Variants in KHDRBS1 observed in about 807,000 individuals in gnomAD.
KHDRBS1 encodes the protein KH RNA binding domain containing, signal transduction associated 1, also known as KH domain-containing, RNA-binding, signal transduction-associated protein 1.
Under a neutral mutation model 48.4 loss-of-function variants are expected in KHDRBS1, and 7 were observed. That is an observed-to-expected ratio of 0.14 (90% CI 0.08 to 0.27). The LOEUF (loss-of-function observed/expected upper bound fraction) is 0.27, where lower values mean the gene tolerates loss of function less well. KHDRBS1 is among the 10% of genes least tolerant of loss of function. KHDRBS1 has a pLI of 1.00. For synonymous variants in KHDRBS1, 241 were observed against 235.8 expected (o/e 1.02, Z -0.20); for missense variants, 458 against 601.2 (o/e 0.76, Z 2.49).
intron 1 of KHDRBS1, among the ~76,000 whole-genome samples, chr1:32,029,230 G>A (rs1485374410): frequency 6.6e-6 from 1 of 152,200 alleles, no homozygotes; most frequent in Admixed American, 6.5e-5. Flanking sequence ...TTTAGGTGAT[G>A]ATGGATATGT....
chr1:32,060,729 T>G (rs1337236919), exon 11 of KHDRBS1: 4 of 152,216 alleles, frequency 2.6e-5, no homozygotes, highest in African/African-American at 9.7e-5. Context: ...CTTCATTGTT[T>G]ATTACTTACC....
At chr1:32,056,191 G>A (rs1470451607) in intron 10 of KHDRBS1, among the ~76,000 whole-genome samples, 1 of 151,852 alleles carries the variant, frequency 6.6e-6, no homozygotes, top group African/African-American at 2.4e-5. Flanking sequence ...GGCAGGGAAT[G>A]GGCCGATAGG....
At chr1:32,052,175 A>G (rs919492803) in intron 10 of KHDRBS1, 12 of 152,196 alleles carry the variant, frequency 7.9e-5, no homozygotes, top group African/African-American at 2.9e-4. Flanking sequence ...GTAATTTACC[A>G]TGGTTGCATA....
At chr1:32,026,560 A>G (rs1638974301) in intron 1 of KHDRBS1, among the ~76,000 whole-genome samples, 1 of 152,240 alleles carries the variant, frequency 6.6e-6, no homozygotes, top group Admixed American at 6.5e-5. Context: ...GTCTTATACT[A>G]TCACACTGGT....
At chr1:32,036,836 C>G (rs762261727) in intron 4 of KHDRBS1, 74 bp from the exon 5 acceptor site, 1 of 1,467,358 alleles carries the variant, frequency 6.8e-7, no homozygotes, top group Non-Finnish European at 9.2e-7. Context: ...GAATTCAAGT[C>G]TCCCGTGGAC....
At chr1:32,018,681 C>T (rs1444724269) in intron 1 of KHDRBS1, among the ~76,000 whole-genome samples, 6 of 152,034 alleles carry the variant, frequency 3.9e-5, no homozygotes, top group Admixed American at 2.6e-4. Flanking sequence ...GGCGTGAACC[C>T]GGGAGGCGGA....
chr1:32,033,961 T>TA (rs1486392217), intron 4 of KHDRBS1, among the ~76,000 whole-genome samples: 2 of 152,348 alleles, frequency 1.3e-5, no homozygotes, highest in East Asian at 1.9e-4. Flanking sequence ...TCTTGCTTGT[T>TA]ACCACCTTTG....
intron 8 of KHDRBS1, among the ~76,000 whole-genome samples, chr1:32,042,061 G>T (rs1373696150): frequency 1.3e-5 from 2 of 152,188 alleles, no homozygotes; most frequent in East Asian, 3.9e-4. Context: ...GCTGTTGCAT[G>T]GAAGTGGGGC....
At chr1:32,017,690 C>A (rs1230757323) in intron 1 of KHDRBS1, among the ~76,000 whole-genome samples, 1 of 149,366 alleles carries the variant, frequency 6.7e-6, no homozygotes, top group East Asian at 2.0e-4. Context: ...TCACCGCAAC[C>A]TCCACCTCCC....
At position 32,038,507 on chromosome 1, in the gene KHDRBS1, A is replaced by G. The variant is rs775486096; in HGVS notation, c.1108-45A>G. On this transcript the variant is annotated intron_variant, in intron 6 of 8. Transcript: ENST00000327300. ...GATGTAATTACCTTTCCTACTCTCT[A>G]TGATTTTGATCTTTTATTTCATTTT... The G allele has an allele frequency of 7.6e-6, 12 of 1,588,474 alleles. No homozygotes were observed. In the East Asian group the frequency reaches 1.1e-4, roughly 15 times the overall value.
At chr1:32,023,489 C>T (rs920686753) in intron 1 of KHDRBS1, among the ~76,000 whole-genome samples, 4 of 152,192 alleles carry the variant, frequency 2.6e-5, no homozygotes, top group Admixed American at 1.3e-4. Context: ...TATGATTATT[C>T]TGAGTGGCTG....
chr1:32,020,249 G>A (rs935929705), intron 1 of KHDRBS1, among the ~76,000 whole-genome samples: 8 of 150,618 alleles, frequency 5.3e-5, no homozygotes, highest in Middle Eastern at 3.4e-3. Context: ...TGAGAATGGC[G>A]GCACACACCC....
At chr1:32,027,974 G>A (rs1349785186) in intron 1 of KHDRBS1, among the ~76,000 whole-genome samples, 4 of 152,096 alleles carry the variant, frequency 2.6e-5, no homozygotes, top group South Asian at 2.1e-4. Flanking sequence ...AAAATTAGCC[G>A]GGCATAGTGG....
intron 10 of KHDRBS1, among the ~76,000 whole-genome samples, chr1:32,057,429 A>G (rs1156453958): frequency 6.6e-6 from 1 of 151,578 alleles, no homozygotes; most frequent in Non-Finnish European, 1.5e-5. Context: ...TTAACCTCCC[A>G]AAGTGTTGGG....
At position 32,042,095 on chromosome 1, in the gene KHDRBS1, A is replaced by G. The variant is rs192134449; in HGVS notation, c.1235-432A>G. Among the ~76,000 whole-genome samples, 77 of 152,296 alleles carry G rather than the reference A, an allele frequency of 5.1e-4. 2 individuals carry two copies. In the East Asian group the frequency reaches 0.011, roughly 22 times the overall value. On this transcript the variant is annotated intron_variant, in intron 8 of 8. Coordinates refer to ENST00000327300, the MANE Select transcript of KHDRBS1 (RefSeq NM_006559.3). ...GCTGGCTGCCTGCTTCCAATCTGAA[A>G]GACTTCCAGAAGTCTTCCCACCTTA...
Position 32,014,218 on chromosome 1 carries a change from G to A in KHDRBS1, c.223G>A (p.Asp75Asn). ...PLLPPSATGP[D>N]ATVGGPAPTP... ...GCTGCCGCCCTCGGCCACGGGTCCC[G>A]ACGCGACAGTGGGCGGGCCAGCGCC... Residue 75 changes from aspartate (D) to asparagine (N), a missense_variant, in exon 1 of 9, where the codon GAC (aspartate) becomes AAC (asparagine). Around this residue, in one of 3 missense-constraint regions of KHDRBS1, gnomAD observed 213 missense variants for 215.6 expected, o/e 0.99. Transcript: ENST00000327300. 6.8e-7 allele frequency: 1 copy of A among 1,472,042 alleles called. No individual in the cohort carries two copies. The highest frequency in any genetic ancestry group is 9.1e-7 in the Non-Finnish European group (1 of 1,104,236). The allele number at this position is 1,472,042 out of a possible 1,614,324, so 91.2% of individuals were successfully genotyped here.
intron 1 of KHDRBS1, among the ~76,000 whole-genome samples, chr1:32,017,572 T>C (rs904800411): frequency 2.6e-5 from 4 of 151,512 alleles, no homozygotes; most frequent in Non-Finnish European, 5.9e-5. Flanking sequence ...TAAAATGCTG[T>C]TGTATAGATA....
At chr1:32,036,753 CAGAT>C (rs1305517743) in intron 4 of KHDRBS1, among the ~76,000 whole-genome samples, 153 bp from the exon 5 acceptor site, 1 of 152,076 alleles carries the variant, frequency 6.6e-6, no homozygotes, top group South Asian at 2.1e-4. Context: ...AAAGAGGTGA[CAGAT>C]AGGGTGCCAT....
intron 10 of KHDRBS1, among the ~76,000 whole-genome samples, chr1:32,057,341 C>G (rs993759751): frequency 6.6e-6 from 1 of 152,018 alleles, no homozygotes; most frequent in East Asian, 1.9e-4. Flanking sequence ...CTAATTTTTT[C>G]TATTTTTTGT....
Sources: allele counts gnomAD v4.1 joint callset (sites outside exome capture counted in the v4.1 genomes callset), GRCh38; gene constraint gnomAD v4.1.1; regional missense constraint gnomAD v4.1.1; transcripts MANE v1.5; gene names NCBI Gene and HGNC (gene_info 2026-07-23, HGNC 2026-07-21).